ORC5: variants seen among roughly 807,000 people sequenced by gnomAD.
The protein encoded by ORC5 is origin recognition complex subunit 5.
A neutral mutation model predicts 58.8 loss-of-function variants in ORC5; 39 were observed. The ratio of observed to expected loss-of-function variants is 0.66; its 90% CI spans 0.51 to 0.87. ORC5 has a LOEUF of 0.87. ORC5 is among the 40% of genes least tolerant of loss of function. The pLI is 0.00. For missense variants in ORC5, 493 were observed against 506.3 expected (o/e 0.97, Z 0.25); for synonymous variants, 218 against 177.6 (o/e 1.23, Z -1.81).
chr7:104,166,584 A>T (rs1173358393), intron 10 of ORC5, among the ~76,000 whole-genome samples, 188 bp downstream of exon 10: 1 of 152,218 alleles, frequency 6.6e-6, no homozygotes, highest in Non-Finnish European at 1.5e-5. Context: ...CTTTTCTATG[A>T]AACTGCCTAC....
intron 13 of ORC5, among the ~76,000 whole-genome samples, chr7:104,135,756 A>G (rs62485901): frequency 0.026 from 3,981 of 152,332 alleles, 89 homozygotes; most frequent in Non-Finnish European, 0.039. Context: ...GCACTGTTTT[A>G]GGCTGAACAA....
chr7:104,159,062 GACTTGGA>G (rs1798978769), intron 12 of ORC5, among the ~76,000 whole-genome samples: 1 of 148,712 alleles, frequency 6.7e-6, no homozygotes, highest in African/African-American at 2.5e-5. Flanking sequence ...CAATAGCAAA[GACTTGGA>G]ACCAACCCAA....
intron 5 of ORC5, among the ~76,000 whole-genome samples, chr7:104,191,958 C>T (rs1429902894): frequency 6.6e-6 from 1 of 152,126 alleles, no homozygotes; most frequent in Non-Finnish European, 1.5e-5. Flanking sequence ...ACTGGACACA[C>T]TATAGAAAAC....
chr7:104,163,782 C>T (rs1044208847), intron 11 of ORC5, among the ~76,000 whole-genome samples: 4 of 152,172 alleles, frequency 2.6e-5, no homozygotes, highest in South Asian at 2.1e-4. Flanking sequence ...TGAGGCACCC[C>T]GCCCAGCCGG....
chr7:104,172,506 TAAGG>T (rs1201437194), intron 8 of ORC5, among the ~76,000 whole-genome samples: 1 of 150,772 alleles, frequency 6.6e-6, no homozygotes, highest in African/African-American at 2.5e-5. Context: ...ACAAAATTAT[TAAGG>T]AATAGTTAGT....
At chr7:104,140,999 GC>G (rs1798665037) in intron 12 of ORC5, among the ~76,000 whole-genome samples, 1 of 152,140 alleles carries the variant, frequency 6.6e-6, no homozygotes, top group South Asian at 2.1e-4. Context: ...AAGTGGTAAT[GC>G]CCAGATGGTG....
chr7:104,143,914 T>C (rs1584482113), intron 12 of ORC5, among the ~76,000 whole-genome samples: 1 of 150,476 alleles, frequency 6.6e-6, no homozygotes, highest in Non-Finnish European at 1.5e-5. Flanking sequence ...AGGCCAGGAG[T>C]TTCAGATCAG....
At chr7:104,154,720 C>A (rs1385107251) in intron 12 of ORC5, among the ~76,000 whole-genome samples, 1 of 151,784 alleles carries the variant, frequency 6.6e-6, no homozygotes, top group Non-Finnish European at 1.5e-5. Flanking sequence ...TGACTTTGAA[C>A]TTGAAATGTG....
At chr7:104,160,554 T>G (rs1048290830) in intron 12 of ORC5, among the ~76,000 whole-genome samples, 1 of 152,168 alleles carries the variant, frequency 6.6e-6, no homozygotes, top group Non-Finnish European at 1.5e-5. Flanking sequence ...CCTTAACTAC[T>G]TGTTTTTTTT....
intron 6 of ORC5, chr7:104,187,806 T>A: frequency 2.0e-6 from 2 of 985,790 alleles, no homozygotes; most frequent in Non-Finnish European, 2.4e-6. Flanking sequence ...TGAAAGCTTC[T>A]GACCATACTC....
chr7:104,135,903 C>T (rs941907000), intron 13 of ORC5, among the ~76,000 whole-genome samples: 2 of 152,128 alleles, frequency 1.3e-5, no homozygotes, highest in Admixed American at 6.5e-5. Flanking sequence ...TTGCCCTGTT[C>T]ACTCTGCCAG....
At chr7:104,151,891 C>A (rs1258871491) in intron 12 of ORC5, among the ~76,000 whole-genome samples, 1 of 152,144 alleles carries the variant, frequency 6.6e-6, no homozygotes, top group Non-Finnish European at 1.5e-5. Flanking sequence ...AATTAACCAC[C>A]ACCATTCAGA....
chr7:104,193,371 C>T (rs957999526), intron 5 of ORC5, among the ~76,000 whole-genome samples: 7 of 152,090 alleles, frequency 4.6e-5, no homozygotes, highest in African/African-American at 1.7e-4. Context: ...CAGAACATAA[C>T]TTAATCTATC....
At chr7:104,180,163 T>C (rs933265456) in intron 8 of ORC5, among the ~76,000 whole-genome samples, 2 of 152,198 alleles carry the variant, frequency 1.3e-5, no homozygotes, top group African/African-American at 4.8e-5. Context: ...CTCACAAGCT[T>C]GACCACACAT....
chr7:104,173,704 AGTG>A (rs1199177853), intron 8 of ORC5, among the ~76,000 whole-genome samples: 5 of 152,188 alleles, frequency 3.3e-5, no homozygotes, highest in Admixed American at 2.0e-4. Context: ...GGTAAGGACA[AGTG>A]TCCTTCTGGT....
intron 12 of ORC5, among the ~76,000 whole-genome samples, chr7:104,141,169 C>A (rs1421241391): frequency 1.3e-5 from 2 of 152,164 alleles, no homozygotes; most frequent in Admixed American, 6.6e-5. Context: ...TTAGGATGAT[C>A]TGCAAAATAG....
chr7:104,166,826 A>G lies in ORC5; in HGVS notation c.936T>C (p.Ala312=). ...LPYYSKFILI[A]AYLASYNPAR... The stretch of plus-strand genomic sequence containing the variant: ...CTGGATTGTATGAAGCAAGGTATGC[A>G]GCAATTAGAATGAACTTAGAGTAAT... The change falls in exon 10 of 14, where the codon GCT becomes GCC. Residue 312 remains alanine, a synonymous_variant. Coordinates refer to ENST00000297431, the MANE Select transcript of ORC5 (RefSeq NM_002553.4). 6.2e-7 allele frequency: 1 copy of G among 1,613,264 alleles called. No homozygotes were observed. The highest frequency in any genetic ancestry group is 8.5e-7 in the Non-Finnish European group (1 of 1,179,330).
chr7:104,137,854 ATCGGATTTT>A (rs1798614941), intron 12 of ORC5, among the ~76,000 whole-genome samples: 1 of 152,136 alleles, frequency 6.6e-6, no homozygotes, highest in Non-Finnish European at 1.5e-5. Context: ...CCCACATTTG[ATCGGATTTT>A]TCGGTACAGC....
intron 8 of ORC5, among the ~76,000 whole-genome samples, chr7:104,181,057 T>C (rs1799421565): frequency 6.6e-6 from 1 of 152,196 alleles, no homozygotes; most frequent in Non-Finnish European, 1.5e-5. Context: ...TAAAAATCTA[T>C]CAGAACTCTA....
Sources: allele counts gnomAD v4.1 joint callset (sites outside exome capture counted in the v4.1 genomes callset), GRCh38; gene constraint gnomAD v4.1.1; transcripts MANE v1.5; gene names NCBI Gene and HGNC (gene_info 2026-07-23, HGNC 2026-07-21).